The following DCHS2 variants were observed in gnomAD, a reference collection of about 807,000 sequenced individuals.
The protein encoded by DCHS2 is dachsous cadherin-related 2.
DCHS2 carries 142 observed loss-of-function variants against 182.4 expected under a neutral mutation model. That is an observed-to-expected ratio of 0.78 (90% CI 0.68 to 0.89). The LOEUF is 0.89. DCHS2 is among the 40% of genes least tolerant of loss of function. The pLI, the probability that DCHS2 is intolerant of heterozygous loss-of-function variation, is 0.00. For synonymous variants in DCHS2, 1,740 were observed against 1,663.3 expected, an observed-to-expected ratio of 1.05 and a Z score of -1.12; for missense variants, 4,319 against 4,198.6, an observed-to-expected ratio of 1.03 and a Z score of -0.79.
chr4:154,308,307 G>A (rs1255208725), intron 10 of DCHS2, among the ~76,000 whole-genome samples: 1 of 151,660 alleles, frequency 6.6e-6, no homozygotes, highest in Non-Finnish European at 1.5e-5. Flanking sequence ...AGGAAGGCAT[G>A]AGGAAGAGAG....
intron 3 of DCHS2, among the ~76,000 whole-genome samples, chr4:154,341,728 T>C (rs2111386124): frequency 6.6e-6 from 1 of 152,302 alleles, no homozygotes; most frequent in South Asian, 2.1e-4. Context: ...TACTAGGCTC[T>C]AAGTAATTTT....
At position 154,490,086 on chromosome 4, in the gene DCHS2, C is replaced by T. The variant is rs1463826913; in HGVS notation, c.1270G>A (p.Ala424Thr). Reference protein sequence around the residue: ...HVLFLTEGGVARVSEGARPGD... With the variant: ...HVLFLTEGGVTRVSEGARPGD... ...GGTCGGGCGCCTTCAGAGACACGGG[C>T]GACGCCTCCCTCTGTGAGAAAGAGC... The change falls in exon 1 of 20, where the codon GCC becomes ACC. Residue 424 changes from alanine to threonine, a missense_variant. Physicochemically the swap from Ala to Thr is moderately conservative, Grantham distance 58 (BLOSUM62 0). Transcript: ENST00000357232. 1.3e-6 allele frequency: 2 copies of T among 1,549,570 alleles called. No individual in the cohort carries two copies. Among genetic ancestry groups the T allele is most frequent in the South Asian group, 1.2e-5 (1 of 84,004 alleles).
chr4:154,473,972 C>A (rs574568143), intron 1 of DCHS2, among the ~76,000 whole-genome samples: 1 of 152,244 alleles, frequency 6.6e-6, no homozygotes, highest in Admixed American at 6.5e-5. Context: ...TTCTTGAGGA[C>A]AGAAATCTTA....
At chr4:154,324,666 C>T (rs571235329) in intron 7 of DCHS2, among the ~76,000 whole-genome samples, 1 of 152,294 alleles carries the variant, frequency 6.6e-6, no homozygotes, top group South Asian at 2.1e-4. Context: ...CCCCTCCATT[C>T]TTTAGTTCAA....
chr4:154,322,286 T>C (rs756395517), intron 8 of DCHS2, 45 bp downstream of exon 8: 1 of 1,609,114 alleles, frequency 6.2e-7, no homozygotes. Flanking sequence ...GAAAGTCAAA[T>C]GAAATCTTTA....
chr4:154,490,216 C>A lies in DCHS2; in HGVS notation c.1140G>T (p.Gln380His). The A allele has an allele frequency of 6.5e-7, 1 of 1,549,674 alleles. No individual in the cohort carries two copies. The change falls in exon 1 of 20, where the codon CAG becomes CAT. Residue 380 changes from glutamine (Q) to histidine (H), a missense_variant. Gln to His is a conservative substitution (Grantham distance 24). Coordinates refer to ENST00000357232, the MANE Select transcript of DCHS2 (RefSeq NM_001358235.2). ...CTCCATCGCGGGCCTCCACCACCAA[C>A]TGGTGCCAGGCCTGTGCCTCGCGGT... ...PLDREAQAWH[Q>H]LVVEARDGGA...
At chr4:154,238,184 G>T (rs1213363406) in intron 19 of DCHS2, among the ~76,000 whole-genome samples, 3 of 151,868 alleles carry the variant, frequency 2.0e-5, no homozygotes, top group Admixed American at 1.3e-4. Flanking sequence ...GGGATACAGA[G>T]AGAAGAATAG....
In DCHS2 at chr4:154,491,093, G is replaced by A. The variant is rs1357316254; in HGVS notation, c.263C>T (p.Ala88Val). 2 of 1,551,336 alleles carry A rather than the reference G, an allele frequency of 1.3e-6. No individual in the cohort carries two copies. ...CTGCTGCTGCGCGGCCGGCAGCCCG[G>A]CGCGGATGTCACCTACCAGCGTGTC... ...PPDTLVGDIRAGLPAAQQQEG... is the reference protein window; with the variant it reads ...PPDTLVGDIRVGLPAAQQQEG... Residue 88 changes from alanine to valine, a missense_variant, in exon 1 of 20, where the codon GCC (alanine) becomes GTC (valine). Physicochemically the swap from Ala to Val is moderately conservative, Grantham distance 64. Transcript: ENST00000357232.
intron 5 of DCHS2, among the ~76,000 whole-genome samples, chr4:154,330,421 A>AAATATTTCTGC (rs1736474694): frequency 6.6e-6 from 1 of 152,220 alleles, no homozygotes; most frequent in African/African-American, 2.4e-5. Context: ...CTAGAGCTAT[A>AAATATTTCTGC]CTACCTTCAG....
At chr4:154,431,790 T>G (rs1185440894) in intron 1 of DCHS2, among the ~76,000 whole-genome samples, 1 of 152,218 alleles carries the variant, frequency 6.6e-6, no homozygotes, top group Non-Finnish European at 1.5e-5. Context: ...TTCAGCCTTC[T>G]TTACATACAG....
Position 154,491,074 on chromosome 4 carries a change from C to A in DCHS2, c.282G>T (p.Gln94His). ...GDIRAGLPAA[Q>H]QQEGSGFFLS... ...GAAAGAAGCCGCTCCCCTCCTGCTG[C>A]TGCGCGGCCGGCAGCCCGGCGCGGA... Residue 94 changes from glutamine (Q) to histidine (H), a missense_variant, in exon 1 of 20, where the codon CAG (glutamine) becomes CAT (histidine). By Grantham distance (24) the Gln-to-His change is conservative. Coordinates refer to ENST00000357232, the MANE Select transcript of DCHS2 (RefSeq NM_001358235.2). 1.3e-6 allele frequency: 2 copies of A among 1,551,302 alleles called. No homozygotes were observed. The highest frequency in any genetic ancestry group is 1.7e-6 in the Non-Finnish European group (2 of 1,146,942).
intron 12 of DCHS2, 96 bp from the exon 13 acceptor site, chr4:154,298,804 A>T: frequency 7.0e-7 from 1 of 1,435,436 alleles, no homozygotes; most frequent in South Asian, 1.6e-5. Flanking sequence ...TTCATTAAAA[A>T]TATATTTATT....
chr4:154,373,712 G>T lies in DCHS2; in HGVS notation c.2244+3541C>A, dbSNP rs150469139. On this transcript the variant is annotated intron_variant, in intron 2 of 19. Transcript: ENST00000357232. ...CAGGAGGGGCCCTGCTTCCAAGAGG[G>T]TTCCCTCCTGCACACAGCTCCCTGT... 6.4e-3 allele frequency among the ~76,000 whole-genome samples: 979 copies of T among 152,198 alleles called. 11 individuals carry two copies. Among genetic ancestry groups the T allele is most frequent in the African/African-American group, 0.022 (927 of 41,546 alleles).
intron 17 of DCHS2, among the ~76,000 whole-genome samples, chr4:154,242,141 C>G (rs910183612): frequency 1.2e-4 from 19 of 152,168 alleles, no homozygotes; most frequent in African/African-American, 4.1e-4. Context: ...CAGCATCTCA[C>G]TTAAAAATTT....
In DCHS2 at chr4:154,421,649, C is replaced by T. The variant is rs374567048; in HGVS notation, c.2053-44205G>A. Among the ~76,000 whole-genome samples the T allele has an allele frequency of 5.3e-5, 8 of 152,296 alleles. No homozygotes were observed. The East Asian group carries it at 9.7e-4, about 18-fold the overall frequency. Reference sequence around the variant, plus strand: ...ACCTCAAAAAATCCACCACCTTGGCCTCCCAAAGTGCTGGGATTACAGGCG... The same window carrying T: ...ACCTCAAAAAATCCACCACCTTGGCTTCCCAAAGTGCTGGGATTACAGGCG... On this transcript the variant is annotated intron_variant, in intron 1 of 19. Transcript: ENST00000357232.
chr4:154,421,173 G>C (rs1733093507), intron 1 of DCHS2, among the ~76,000 whole-genome samples: 1 of 152,092 alleles, frequency 6.6e-6, no homozygotes, highest in African/African-American at 2.4e-5. Flanking sequence ...CTACATAGAG[G>C]ACTTATAGAA....
chr4:154,486,869 G>A (rs981680267), intron 1 of DCHS2, among the ~76,000 whole-genome samples: 17 of 152,156 alleles, frequency 1.1e-4, no homozygotes, highest in African/African-American at 4.1e-4. Flanking sequence ...AGAAATTCTA[G>A]TCAGCACAAT....
At chr4:154,289,816 A>G (rs1212172589) in intron 13 of DCHS2, among the ~76,000 whole-genome samples, 1 of 152,100 alleles carries the variant, frequency 6.6e-6, no homozygotes, top group African/African-American at 2.4e-5. Flanking sequence ...ACATCATGTC[A>G]ACAAAATAAA....
intron 1 of DCHS2, among the ~76,000 whole-genome samples, chr4:154,413,652 G>T (rs1732716841): frequency 6.6e-6 from 1 of 152,160 alleles, no homozygotes; most frequent in Non-Finnish European, 1.5e-5. Flanking sequence ...GGGAGCCAGT[G>T]AGTTTGGGTA....
Sources: allele counts gnomAD v4.1 joint callset (sites outside exome capture counted in the v4.1 genomes callset), GRCh38; gene constraint gnomAD v4.1.1; transcripts MANE v1.5; gene names NCBI Gene and HGNC (gene_info 2026-07-23, HGNC 2026-07-21).